The following SHROOM3 variants were observed in gnomAD, a reference collection of about 807,000 sequenced individuals.
SHROOM3 encodes shroom family member 3.
Under a neutral mutation model 138.6 loss-of-function variants are expected in SHROOM3, and 47 were observed. The observed-to-expected ratio is 0.34, with a 90% CI of 0.27 to 0.43. The LOEUF is 0.43. SHROOM3 is among the 20% of genes least tolerant of loss of function. The probability of loss-of-function intolerance (pLI) is 1.00; values close to 1 mark genes in which losing one functional copy is unlikely to be tolerated. For synonymous variants in SHROOM3, 1,062 were observed against 1,063.3 expected, an observed-to-expected ratio of 1.00 and a Z score of 0.02; for missense variants, 2,491 against 2,596.5, an observed-to-expected ratio of 0.96 and a Z score of 0.88.
intron 1 of SHROOM3, among the ~76,000 whole-genome samples, chr4:76,495,801 A>G (rs959526149): frequency 6.6e-6 from 1 of 152,226 alleles, no homozygotes; most frequent in Admixed American, 6.5e-5. Flanking sequence ...AGAGACTACC[A>G]TATGTGTATG....
At chr4:76,474,953 A>G (rs1731454798) in intron 1 of SHROOM3, among the ~76,000 whole-genome samples, 1 of 151,756 alleles carries the variant, frequency 6.6e-6, no homozygotes, top group African/African-American at 2.4e-5. Flanking sequence ...TTTTTTTGAG[A>G]AAGTGAGGAA....
intron 2 of SHROOM3, among the ~76,000 whole-genome samples, chr4:76,676,443 T>C (rs1719029090): frequency 6.6e-6 from 1 of 152,172 alleles, no homozygotes; most frequent in African/African-American, 2.4e-5. Flanking sequence ...TATCAATAGA[T>C]TTATTAAAGT....
chr4:76,479,320 T>A (rs1016241516), intron 1 of SHROOM3, among the ~76,000 whole-genome samples: 8 of 151,490 alleles, frequency 5.3e-5, no homozygotes, highest in African/African-American at 1.9e-4. Flanking sequence ...AGCACAAGAA[T>A]GTTGTGAAGC....
At chr4:76,456,594 A>G (rs1731031591) in intron 1 of SHROOM3, among the ~76,000 whole-genome samples, 1 of 152,226 alleles carries the variant, frequency 6.6e-6, no homozygotes, top group South Asian at 2.1e-4. Flanking sequence ...GTTTAGCTAT[A>G]TATCTAAAAG....
Position 76,740,902 on chromosome 4 carries a change from C to A in SHROOM3, c.2729C>A (p.Ser910Ter). 6.6e-7 allele frequency: 1 copy of A among 1,504,130 alleles called. No individual in the cohort carries two copies. The highest frequency in any genetic ancestry group is 8.8e-7 in the Non-Finnish European group (1 of 1,130,098). The allele number at this position is 1,504,130 out of a possible 1,614,324, so 93.2% of individuals were successfully genotyped here. Residue 910 changes from serine to a stop codon, truncating the protein, a stop_gained, in exon 5 of 11, where the codon TCG becomes TAG. Transcript: ENST00000296043. LOFTEE classifies it high-confidence loss of function. The surrounding 1 kb of genome is among the most constrained non-coding windows in gnomAD (Gnocchi z 4.0). ...CCCGAGTGGCGGGACAGGCCCGGCT[C>A]GCCCGAATCGCCCCTGCTGGATGCC... ...REPEWRDRPG[S>*]PESPLLDAPF...
intron 4 of SHROOM3, among the ~76,000 whole-genome samples, chr4:76,732,691 G>A (rs1451405589): frequency 3.3e-5 from 5 of 152,188 alleles, no homozygotes; most frequent in African/African-American, 1.2e-4. Context: ...CCTTTAGAAG[G>A]TAAGGTGTGT....
intron 2 of SHROOM3, among the ~76,000 whole-genome samples, chr4:76,562,106 T>TC: frequency 6.6e-6 from 1 of 152,258 alleles, no homozygotes; most frequent in South Asian, 2.1e-4. Flanking sequence ...AAGAGGTGAT[T>TC]CCCCATTGAC....
chr4:76,656,609 T>C (rs1736070102), intron 2 of SHROOM3, among the ~76,000 whole-genome samples: 1 of 152,184 alleles, frequency 6.6e-6, no homozygotes, highest in African/African-American at 2.4e-5. Flanking sequence ...TCAACATTTC[T>C]TTGGGAGCAG....
chr4:76,468,492 T>C (rs1731293365), intron 1 of SHROOM3, among the ~76,000 whole-genome samples: 2 of 152,052 alleles, frequency 1.3e-5, no homozygotes, highest in African/African-American at 4.8e-5. Flanking sequence ...TCTTAGGGCT[T>C]TCAGTAGTTA....
intron 5 of SHROOM3, among the ~76,000 whole-genome samples, chr4:76,743,726 A>C (rs552799266): frequency 2.6e-5 from 4 of 152,328 alleles, no homozygotes; most frequent in South Asian, 4.1e-4. Context: ...AATTGTACAG[A>C]AATATTTTCT....
intron 1 of SHROOM3, among the ~76,000 whole-genome samples, chr4:76,532,071 T>C (rs1208750277): frequency 4.0e-5 from 4 of 99,596 alleles, no homozygotes; most frequent in Non-Finnish European, 5.7e-5. Flanking sequence ...CCCCATCCCA[T>C]GACAGGCCCT....
chr4:76,495,427 C>A (rs1490534845), intron 1 of SHROOM3, among the ~76,000 whole-genome samples: 1 of 152,196 alleles, frequency 6.6e-6, no homozygotes, highest in African/African-American at 2.4e-5. Flanking sequence ...CTTCTTGCAT[C>A]AAAGCAGACA....
At chr4:76,590,657 C>A (rs1734253592) in intron 2 of SHROOM3, among the ~76,000 whole-genome samples, 1 of 151,802 alleles carries the variant, frequency 6.6e-6, no homozygotes, top group Non-Finnish European at 1.5e-5. Context: ...CATTCCTGTT[C>A]TTTAAATGAG....
At chr4:76,686,960 C>T (rs1399901383) in intron 2 of SHROOM3, among the ~76,000 whole-genome samples, 1 of 152,212 alleles carries the variant, frequency 6.6e-6, no homozygotes, top group Non-Finnish European at 1.5e-5. Context: ...GGGTGCTGTG[C>T]TGCTCTAGGA....
chr4:76,740,050 G>A lies in SHROOM3; in HGVS notation c.1877G>A (p.Trp626Ter). Residue 626 changes from tryptophan (W) to a stop codon, truncating the protein, a stop_gained, in exon 5 of 11, where the codon TGG becomes TAG. Transcript: ENST00000296043. LOFTEE classifies it high-confidence loss of function. This position sits in a 1 kb window ranked among gnomAD's most constrained non-coding sequence, Gnocchi z 4.0. ...AGATCTTCCAGGCTCTCAGAGCCCT[G>A]GGAGGGCGATTTCCAGGAAGACCAC... ...DKRSSRLSEP[W>*]EGDFQEDHNA... 6.2e-7 allele frequency: 1 copy of A among 1,613,840 alleles called. No individual in the cohort carries two copies. Among genetic ancestry groups the A allele is most frequent in the Non-Finnish European group, 8.5e-7 (1 of 1,180,030 alleles).
intron 1 of SHROOM3, among the ~76,000 whole-genome samples, chr4:76,545,280 C>T (rs953654958): frequency 2.6e-5 from 4 of 152,114 alleles, no homozygotes; most frequent in Admixed American, 6.5e-5. Flanking sequence ...AGGCACTGAG[C>T]GGAGTTGAGT....
intron 9 of SHROOM3, among the ~76,000 whole-genome samples, chr4:76,764,050 G>C (rs1376677599): frequency 6.6e-6 from 1 of 152,052 alleles, no homozygotes; most frequent in African/African-American, 2.4e-5. Flanking sequence ...AATAACCTAA[G>C]ATATATATCT....
At chr4:76,646,826 G>A (rs1027437815) in intron 2 of SHROOM3, among the ~76,000 whole-genome samples, 4 of 152,046 alleles carry the variant, frequency 2.6e-5, no homozygotes, top group Admixed American at 6.5e-5. Flanking sequence ...TGGTGGGAGC[G>A]TAAATTAGTC....
intron 1 of SHROOM3, among the ~76,000 whole-genome samples, chr4:76,505,548 T>C (rs1018141719): frequency 1.3e-5 from 2 of 151,428 alleles, no homozygotes; most frequent in Non-Finnish European, 2.9e-5. Flanking sequence ...AAATTGAAAA[T>C]ATTTGGGAAA....
Sources: allele counts gnomAD v4.1 joint callset (sites outside exome capture counted in the v4.1 genomes callset), GRCh38; gene constraint gnomAD v4.1.1; non-coding constraint Gnocchi (gnomAD v3.1); transcripts MANE v1.5; gene names NCBI Gene and HGNC (gene_info 2026-07-23, HGNC 2026-07-21).